The following MICU3 variants were observed in gnomAD, a reference collection of about 807,000 sequenced individuals.
MICU3 encodes mitochondrial calcium uptake 3, also known as calcium uptake protein 3, mitochondrial.
Under a neutral mutation model 66.5 loss-of-function variants are expected in MICU3, and 62 were observed. The ratio of observed to expected loss-of-function variants is 0.93; its 90% CI spans 0.76 to 1.15. MICU3 has a LOEUF of 1.15. Among genes scored for constraint, MICU3 ranks in the 50% most tolerant of loss-of-function variants. The pLI is 0.00. For missense variants in MICU3, 779 were observed against 664.4 expected (o/e 1.17, Z -1.90); for synonymous variants, 308 against 240.7 (o/e 1.28, Z -2.59).
chr8:17,064,999 A>C (rs1350644618), intron 2 of MICU3, among the ~76,000 whole-genome samples: 1 of 152,194 alleles, frequency 6.6e-6, no homozygotes, highest in Non-Finnish European at 1.5e-5. Context: ...GATGGATGGC[A>C]CTAGGGACCA....
In MICU3 at chr8:17,085,292, A is replaced by G. The variant is rs1306252152; in HGVS notation, c.751A>G (p.Met251Val). The change falls in exon 6 of 15, where the codon ATG (methionine) becomes GTG (valine). Residue 251 changes from methionine to valine, a missense_variant. By Grantham distance (21) the Met-to-Val change is conservative. Coordinates refer to ENST00000318063, the MANE Select transcript of MICU3 (RefSeq NM_181723.3). The stretch of plus-strand genomic sequence containing the variant: ...CATGTTTGACACTGATGGCAATGAG[A>G]TGGTGGATAAAAAAGAGTTTTTGGT... ...FNMFDTDGNE[M>V]VDKKEFLVLQ... is the part of the protein sequence containing the mutation. 17 of 1,609,888 alleles carry G rather than the reference A, an allele frequency of 1.1e-5. No individual in the cohort carries two copies. The highest frequency in any genetic ancestry group is 6.7e-5 in the African/African-American group (5 of 74,736).
Position 17,037,775 on chromosome 8 carries a change from G to A in MICU3, c.381+10115G>A, listed in dbSNP as rs191538410. ...GCCCATGAAAGCAGCCGGGAGTGGG[G>A]CTGTACCCTGCAAAGCCACAGGGGA... On this transcript the variant is annotated intron_variant, in intron 1 of 14. Transcript: ENST00000318063. Among the ~76,000 whole-genome samples, 32 of 152,328 alleles carry A rather than the reference G, an allele frequency of 2.1e-4. 2 individuals are homozygous for A. The highest frequency in any genetic ancestry group is 7.5e-4 in the African/African-American group (31 of 41,578).
Position 17,118,780 on chromosome 8 carries a change from G to A in MICU3, c.*5G>A, listed in dbSNP as rs745625695. 5 of 1,590,496 alleles carry A rather than the reference G, an allele frequency of 3.1e-6. No homozygotes were observed. In the Admixed American group the frequency reaches 8.4e-5, roughly 27 times the overall value. Reference sequence around the variant, plus strand: ...AAAGAACTTCACAGCAGATAAGTATGTTAGCTTCTATTTGTCTAAATTTGT... The same window carrying A: ...AAAGAACTTCACAGCAGATAAGTATATTAGCTTCTATTTGTCTAAATTTGT... On this transcript the variant is annotated splice_donor_5th_base_variant and intron_variant, in intron 14 of 14. Coordinates refer to ENST00000318063, the MANE Select transcript of MICU3 (RefSeq NM_181723.3).
chr8:17,048,878 C>T (rs901517430), intron 1 of MICU3, among the ~76,000 whole-genome samples: 2 of 152,194 alleles, frequency 1.3e-5, no homozygotes, highest in African/African-American at 2.4e-5. Flanking sequence ...CCCAGCCTCC[C>T]AGAGTGCTGA....
intron 2 of MICU3, among the ~76,000 whole-genome samples, chr8:17,069,251 C>T (rs1025443023): frequency 4.6e-5 from 7 of 151,982 alleles, no homozygotes; most frequent in Non-Finnish European, 7.4e-5. Flanking sequence ...CTGTGAATTA[C>T]GTCATGGAAC....
intron 1 of MICU3, among the ~76,000 whole-genome samples, chr8:17,051,124 C>T (rs1018611992): frequency 3.9e-5 from 6 of 152,094 alleles, no homozygotes; most frequent in African/African-American, 1.4e-4. Flanking sequence ...CAAAAAAGTT[C>T]ATTGAACATG....
intron 1 of MICU3, chr8:17,049,524 A>G (rs922797009): frequency 8.0e-6 from 4 of 500,964 alleles, no homozygotes; most frequent in Admixed American, 5.9e-5. Context: ...TTATTTGTCC[A>G]TTTTATAGTT....
At chr8:17,115,825 C>G (rs1227859368) in intron 12 of MICU3, among the ~76,000 whole-genome samples, 1 of 152,138 alleles carries the variant, frequency 6.6e-6, no homozygotes, top group Non-Finnish European at 1.5e-5. Flanking sequence ...GTCCCCTGCT[C>G]CACCCAAACC....
At chr8:17,107,422 G>T (rs1195947647) in intron 11 of MICU3, among the ~76,000 whole-genome samples, 1 of 152,088 alleles carries the variant, frequency 6.6e-6, no homozygotes, top group Non-Finnish European at 1.5e-5. Flanking sequence ...TAAAGTAAGT[G>T]GACAGGAAAA....
At chr8:17,118,819 G>A in intron 14 of MICU3, 44 bp downstream of exon 14, 1 of 1,116,890 alleles carries the variant, frequency 9.0e-7, no homozygotes, top group Non-Finnish European at 1.3e-6. Flanking sequence ...GTAACAATAG[G>A]GATCATAATT....
intron 11 of MICU3, among the ~76,000 whole-genome samples, chr8:17,108,093 A>C (rs752167946): frequency 6.6e-6 from 1 of 152,158 alleles, no homozygotes; most frequent in African/African-American, 2.4e-5. Flanking sequence ...GAGAAAAAGG[A>C]ATCAGGAACT....
chr8:17,105,262 T>C, intron 10 of MICU3, 151 bp from the exon 11 acceptor site: 1 of 534,322 alleles, frequency 1.9e-6, no homozygotes, highest in Non-Finnish European at 3.3e-6. Context: ...GTTCTTTTCA[T>C]TCTCATTTAC....
intron 1 of MICU3, among the ~76,000 whole-genome samples, chr8:17,034,620 C>A (rs1218052285): frequency 2.0e-5 from 3 of 152,098 alleles, no homozygotes; most frequent in Admixed American, 2.0e-4. Flanking sequence ...AAAGTTAATT[C>A]CAACTTTCAT....
rs368379761 is a variant in MICU3, at chr8:17,087,055, G to C, written c.849+20G>C. On this transcript the variant is annotated intron_variant, in intron 7 of 14. Transcript: ENST00000318063. ...ATGCTGGTAAGAATACTTTATAGTAGCTTTAGGTGGCTTTTGTAGGCAACA... is the reference window on the plus strand; with the variant it reads ...ATGCTGGTAAGAATACTTTATAGTACCTTTAGGTGGCTTTTGTAGGCAACA... 1.3e-6 allele frequency: 2 copies of C among 1,482,454 alleles called. No individual in the cohort carries two copies. The highest frequency in any genetic ancestry group is 2.8e-5 in the African/African-American group (2 of 71,280). 91.8% of individuals were successfully genotyped at this position (1,482,454 alleles called of 1,614,324 possible).
At chr8:17,038,690 T>C (rs1813487466) in intron 1 of MICU3, among the ~76,000 whole-genome samples, 2 of 152,010 alleles carry the variant, frequency 1.3e-5, no homozygotes, top group Admixed American at 1.3e-4. Context: ...CATTGTTGAC[T>C]TATTTGTAAT....
In MICU3 at chr8:17,037,015, G is replaced by T. The variant is rs577243134; in HGVS notation, c.381+9355G>T. 3.9e-5 allele frequency among the ~76,000 whole-genome samples: 6 copies of T among 152,328 alleles called. No homozygotes were observed. The East Asian group carries it at 7.7e-4, about 20-fold the overall frequency. On this transcript the variant is annotated intron_variant, in intron 1 of 14. Coordinates refer to ENST00000318063, the MANE Select transcript of MICU3 (RefSeq NM_181723.3). Reference sequence around the variant, plus strand: ...AATCGAGCGCAGCGCCCGTGGGCTGGCACTGCTGGGGGACCCAGTACACCT... The same window carrying T: ...AATCGAGCGCAGCGCCCGTGGGCTGTCACTGCTGGGGGACCCAGTACACCT...
rs1455822908 is a variant in MICU3, at chr8:17,106,597, T to G, written c.1257+1013T>G. Among the ~76,000 whole-genome samples, 3 of 151,578 alleles carry G rather than the reference T, an allele frequency of 2.0e-5. No homozygotes were observed. The East Asian group carries it at 5.8e-4, about 29-fold the overall frequency. On this transcript the variant is annotated intron_variant, in intron 11 of 14. Transcript: ENST00000318063. ...AAATGGAAATATTAAAATCTGTAAC[T>G]TAAAAGGTTAAGTTTTTTAAAGTTA...
chr8:17,053,499 C>T (rs918871456), intron 1 of MICU3, among the ~76,000 whole-genome samples: 5 of 152,146 alleles, frequency 3.3e-5, no homozygotes, highest in African/African-American at 1.2e-4. Flanking sequence ...TAACAAGTAA[C>T]ATCTAAGTAA....
At chr8:17,117,069 C>T (rs921498839) in intron 13 of MICU3, among the ~76,000 whole-genome samples, 2 of 152,162 alleles carry the variant, frequency 1.3e-5, no homozygotes, top group Non-Finnish European at 2.9e-5. Flanking sequence ...CCTTGAACTC[C>T]TGGGCTCAAG....
Sources: gnomAD v4.1 joint callset for allele counts (sites outside exome capture counted in the v4.1 genomes callset) on GRCh38, gnomAD v4.1.1 for gene constraint, MANE v1.5 for transcripts, NCBI Gene and HGNC (gene_info 2026-07-23, HGNC 2026-07-21) for gene names.